CFAP36: variants seen among roughly 807,000 people sequenced by gnomAD.
CFAP36 encodes cilia- and flagella-associated protein 36.
Under a neutral mutation model 50.5 loss-of-function variants are expected in CFAP36, and 37 were observed. That is an observed-to-expected ratio of 0.73 (90% CI 0.56 to 0.96). CFAP36 has a LOEUF of 0.96. CFAP36 is among the 50% of genes least tolerant of loss of function. The probability of loss-of-function intolerance (pLI) is 0.00; values close to 1 mark genes in which losing one functional copy is unlikely to be tolerated. For synonymous variants in CFAP36, 138 were observed against 128.2 expected (o/e 1.08, Z -0.52); for missense variants, 407 against 396.2 (o/e 1.03, Z -0.23).
intron 6 of CFAP36, 121 bp from the exon 7 acceptor site, chr2:55,537,362 C>A: frequency 3.1e-6 from 2 of 651,408 alleles, no homozygotes; most frequent in Non-Finnish European, 5.1e-6. Context: ...CAGAGTGAGA[C>A]TCTGTCTCAA....
At chr2:55,522,205 G>T (rs759698121) in intron 2 of CFAP36, 39 bp downstream of exon 2, 2 of 1,012,708 alleles carry the variant, frequency 2.0e-6, no homozygotes, top group Non-Finnish European at 3.0e-6. Flanking sequence ...AAGTAATTAG[G>T]CTAATACTAC....
rs1399329010 is a variant in CFAP36, at chr2:55,525,771, C to T, written c.282+1949C>T. The stretch of plus-strand genomic sequence containing the variant: ...TCAGCCTCCCAAGTAGCTGGGATTA[C>T]AGGCTCCCACCACCATGCCCGGCTA... On this transcript the variant is annotated intron_variant, in intron 3 of 9. Coordinates refer to ENST00000349456, the MANE Select transcript of CFAP36 (RefSeq NM_080667.7). Among the ~76,000 whole-genome samples, 9 of 152,136 alleles carry T rather than the reference C, an allele frequency of 5.9e-5. 1 individual carries two copies. Among genetic ancestry groups the T allele is most frequent in the South Asian group, 4.1e-4 (2 of 4,822 alleles).
chr2:55,537,847 G>A (rs998912915), intron 7 of CFAP36, among the ~76,000 whole-genome samples: 4 of 152,194 alleles, frequency 2.6e-5, no homozygotes, highest in African/African-American at 9.7e-5. Flanking sequence ...GGAGTAACTA[G>A]CCTTTGTGCA....
chr2:55,544,465 G>A, intron 9 of CFAP36, 96 bp downstream of exon 9: 1 of 1,293,800 alleles, frequency 7.7e-7, no homozygotes, highest in South Asian at 1.5e-5. Flanking sequence ...AATTTTGCTT[G>A]CAGACCCATT....
At chr2:55,531,743 A>T (rs968978344) in intron 4 of CFAP36, among the ~76,000 whole-genome samples, 1 of 152,124 alleles carries the variant, frequency 6.6e-6, no homozygotes, top group Non-Finnish European at 1.5e-5. Flanking sequence ...GGTCCTATTG[A>T]TTAGGATTGG....
At chr2:55,533,360 G>A (rs1165780776) in intron 4 of CFAP36, among the ~76,000 whole-genome samples, 2 of 152,098 alleles carry the variant, frequency 1.3e-5, no homozygotes, top group Non-Finnish European at 2.9e-5. Flanking sequence ...TAAAAGTGTG[G>A]GGTTTTTGGT....
At chr2:55,544,798 G>T (rs759562177) in intron 9 of CFAP36, 109 bp from the exon 10 acceptor site, 16 of 659,446 alleles carry the variant, frequency 2.4e-5, no homozygotes, top group Non-Finnish European at 4.0e-5. Context: ...CTCTCCCTCC[G>T]TCCCACAAGA....
intron 1 of CFAP36, chr2:55,520,556 A>G: frequency 8.9e-7 from 1 of 1,125,968 alleles, no homozygotes; most frequent in Non-Finnish European, 1.2e-6. Flanking sequence ...TGAGGCGTAT[A>G]GATATGGCAT....
chr2:55,537,791 T>G (rs1039985025), intron 7 of CFAP36, among the ~76,000 whole-genome samples: 10 of 152,344 alleles, frequency 6.6e-5, no homozygotes, highest in African/African-American at 2.4e-4. Flanking sequence ...TCCTCAAGTT[T>G]CCGTGTAAAG....
At chr2:55,534,483 C>G (rs1284084450) in intron 5 of CFAP36, among the ~76,000 whole-genome samples, 1 of 152,180 alleles carries the variant, frequency 6.6e-6, no homozygotes, top group Non-Finnish European at 1.5e-5. Context: ...TGATTCTCAG[C>G]CAAATGCCTG....
chr2:55,533,868 A>G lies in CFAP36; in HGVS notation c.398-5A>G, dbSNP rs773690947. 1.3e-5 allele frequency: 21 copies of G among 1,586,532 alleles called. No individual in the cohort carries two copies. Among genetic ancestry groups the G allele is most frequent in the African/African-American group, 2.7e-5 (2 of 74,076 alleles). On this transcript the variant is annotated splice_polypyrimidine_tract_variant and splice_region_variant and intron_variant, in intron 4 of 9. Coordinates refer to ENST00000349456, the MANE Select transcript of CFAP36 (RefSeq NM_080667.7). ...CTATTTCATGTGGTCTTTGGTTTTGAACAGGTGTATTACCTGACTGCTTAA... is the reference window on the plus strand; with the variant it reads ...CTATTTCATGTGGTCTTTGGTTTTGGACAGGTGTATTACCTGACTGCTTAA...
chr2:55,533,508 A>C (rs1385309445), intron 4 of CFAP36, among the ~76,000 whole-genome samples: 1 of 151,964 alleles, frequency 6.6e-6, no homozygotes, highest in East Asian at 1.9e-4. Context: ...GTTTGAGACC[A>C]GCCTGCCGAC....
intron 6 of CFAP36, among the ~76,000 whole-genome samples, chr2:55,536,576 A>G (rs1453516475): frequency 2.1e-5 from 3 of 142,858 alleles, no homozygotes; most frequent in Admixed American, 2.1e-4. Context: ...TCAGCCTCCC[A>G]AGTAGGTGGG....
chr2:55,540,635 T>G (rs1315054707), intron 7 of CFAP36, among the ~76,000 whole-genome samples: 1 of 152,200 alleles, frequency 6.6e-6, no homozygotes, highest in African/African-American at 2.4e-5. Context: ...AATAACTTGC[T>G]GAAATTTTGA....
rs182196437 is a variant in CFAP36, at chr2:55,520,466, C to A, written c.115+550C>A. On this transcript the variant is annotated intron_variant, in intron 1 of 9. Transcript: ENST00000349456. ...GCCCAGAGCCGGTGATTTTGGTGGCCTGTGTTCCCCTTGGTGAGCTCTCTA... is the reference window on the plus strand; with the variant it reads ...GCCCAGAGCCGGTGATTTTGGTGGCATGTGTTCCCCTTGGTGAGCTCTCTA... The A allele has an allele frequency of 9.0e-6, 14 of 1,548,250 alleles. No homozygotes were observed. The East Asian group carries it at 3.4e-4, about 38-fold the overall frequency.
intron 8 of CFAP36, 48 bp from the exon 9 acceptor site, chr2:55,544,172 T>TA (rs753921733): frequency 6.2e-7 from 1 of 1,608,994 alleles, no homozygotes; most frequent in Non-Finnish European, 8.5e-7. Flanking sequence ...CTGTGCTACT[T>TA]ACTAAATGGA....
chr2:55,538,872 T>A, intron 7 of CFAP36: 2 of 1,495,238 alleles, frequency 1.3e-6, no homozygotes, highest in South Asian at 2.7e-5. Context: ...TAAACCTTAG[T>A]TTAGAAGAAC....
intron 4 of CFAP36, 52 bp from the exon 5 acceptor site, chr2:55,533,821 T>C (rs1276094324): frequency 1.8e-6 from 2 of 1,082,176 alleles, no homozygotes; most frequent in Non-Finnish European, 2.8e-6. Flanking sequence ...GTGAGAAATA[T>C]ATGTTTTTAA....
At chr2:55,537,375 GA>G (rs1046156777) in intron 6 of CFAP36, 107 bp from the exon 7 acceptor site, 1,570 of 700,476 alleles carry the variant, frequency 2.2e-3, no homozygotes, top group African/African-American at 4.2e-3. Context: ...TGTCTCAAAA[GA>G]AAAAAAAAAG....
Sources: gnomAD v4.1 joint callset for allele counts (sites outside exome capture counted in the v4.1 genomes callset) on GRCh38, gnomAD v4.1.1 for gene constraint, MANE v1.5 for transcripts, NCBI Gene and HGNC (gene_info 2026-07-23, HGNC 2026-07-21) for gene names.